Variants in GBE1 observed in about 807,000 individuals in gnomAD.
GBE1 encodes the protein 1,4-alpha-glucan-branching enzyme.
GBE1 carries 70 observed loss-of-function variants against 88.8 expected under a neutral mutation model. That is an observed-to-expected ratio of 0.79 (90% CI 0.65 to 0.96). GBE1 has a LOEUF of 0.96. Ranked by LOEUF, GBE1 falls within the 40% of genes least tolerant of loss-of-function variation. The pLI is 0.00. For synonymous variants in GBE1, 284 were observed against 300.1 expected (o/e 0.95, Z 0.56); for missense variants, 872 against 871.0 (o/e 1.00, Z -0.01).
At chr3:81,675,458 T>C (rs1423575305) in intron 2 of GBE1, among the ~76,000 whole-genome samples, 1 of 151,962 alleles carries the variant, frequency 6.6e-6, no homozygotes, top group African/African-American at 2.4e-5. Context: ...ATAGAAATGA[T>C]AATCAGAACA....
intron 15 of GBE1, among the ~76,000 whole-genome samples, chr3:81,497,148 T>C (rs560318233): frequency 2.6e-5 from 4 of 152,322 alleles, no homozygotes; most frequent in African/African-American, 9.6e-5. Context: ...TGCTGCCACT[T>C]GTTGGTTGGC....
chr3:81,621,131 C>G (rs1013067163), intron 7 of GBE1, among the ~76,000 whole-genome samples: 1 of 152,142 alleles, frequency 6.6e-6, no homozygotes, highest in African/African-American at 2.4e-5. Flanking sequence ...AGAAAAGACA[C>G]CACTGAATGT....
At chr3:81,698,612 T>C (rs1304236351) in intron 2 of GBE1, among the ~76,000 whole-genome samples, 1 of 152,178 alleles carries the variant, frequency 6.6e-6, no homozygotes, top group African/African-American at 2.4e-5. Context: ...TAGTCATAGA[T>C]CATCACTTTA....
intron 1 of GBE1, among the ~76,000 whole-genome samples, chr3:81,713,530 G>T (rs1705900463): frequency 6.6e-6 from 1 of 152,122 alleles, no homozygotes; most frequent in African/African-American, 2.4e-5. Context: ...TTTGAACGAT[G>T]AATTTTATTA....
chr3:81,497,074 C>CA lies in GBE1; in HGVS notation c.2052+2035dup, dbSNP rs545150197. ...ATTCTTTATTCTACCTGATAATTTA[C>CA]AACTGCATTTTCCACACTGGTGAGA... On this transcript the variant is annotated intron_variant, in intron 15 of 15. Coordinates refer to ENST00000429644, the MANE Select transcript of GBE1 (RefSeq NM_000158.4). 5.9e-5 allele frequency among the ~76,000 whole-genome samples: 9 copies of CA among 152,298 alleles called. No homozygotes were observed. The East Asian group carries it at 1.5e-3, about 26-fold the overall frequency.
rs1576117336 is a variant in GBE1 at position 81,490,147 on chromosome 3, A to T, written c.*260T>A. 2.2e-6 allele frequency: 1 copy of T among 457,690 alleles called. No individual in the cohort carries two copies. The highest frequency in any genetic ancestry group is 4.2e-5 in the East Asian group (1 of 23,708). The allele number at this position is 457,690 out of a possible 1,614,324, so 28.4% of individuals were successfully genotyped here. A position where few individuals can be genotyped will look rare whatever the true frequency, so the allele number is the denominator to read the frequency against. On this transcript the variant is annotated 3_prime_UTR_variant, in exon 16 of 16. Transcript: ENST00000429644. ...GCAAAATGTTTTTAACATATTATAT[A>T]TAACACTTCCATTTGAGAATCCTAG...
chr3:81,607,566 A>G (rs918496171), intron 7 of GBE1, among the ~76,000 whole-genome samples: 1 of 152,130 alleles, frequency 6.6e-6, no homozygotes, highest in Admixed American at 6.6e-5. Flanking sequence ...ATAAAAACAA[A>G]AACAAAAAAT....
At chr3:81,520,272 C>T (rs1187861724) in intron 14 of GBE1, among the ~76,000 whole-genome samples, 1 of 151,438 alleles carries the variant, frequency 6.6e-6, no homozygotes, top group African/African-American at 2.4e-5. Flanking sequence ...ATTTTTCTAA[C>T]AGTATATGCT....
At chr3:81,657,049 G>A (rs1045808485) in intron 3 of GBE1, among the ~76,000 whole-genome samples, 3 of 151,164 alleles carry the variant, frequency 2.0e-5, no homozygotes, top group South Asian at 2.1e-4. Context: ...CCAGCTACTC[G>A]GGAGGCTGAA....
At chr3:81,718,710 C>T (rs554892011) in intron 1 of GBE1, among the ~76,000 whole-genome samples, 2 of 152,130 alleles carry the variant, frequency 1.3e-5, no homozygotes, top group Non-Finnish European at 2.9e-5. Context: ...AATCTTGGCT[C>T]ACCGCAACCT....
At chr3:81,573,964 G>A (rs1703610652) in intron 12 of GBE1, among the ~76,000 whole-genome samples, 1 of 152,108 alleles carries the variant, frequency 6.6e-6, no homozygotes, top group African/African-American at 2.4e-5. Flanking sequence ...AAAACAAATT[G>A]AGGCAACCCT....
intron 7 of GBE1, among the ~76,000 whole-genome samples, chr3:81,622,744 T>A (rs2107016125): frequency 6.6e-6 from 1 of 152,252 alleles, no homozygotes; most frequent in East Asian, 1.9e-4. Flanking sequence ...ATGACAGAAG[T>A]CCCATTTTCA....
chr3:81,649,222 T>C (rs2107072984), intron 4 of GBE1, among the ~76,000 whole-genome samples: 1 of 152,242 alleles, frequency 6.6e-6, no homozygotes, highest in South Asian at 2.1e-4. Context: ...GCCTTATCAT[T>C]GAGTAAATTT....
intron 1 of GBE1, among the ~76,000 whole-genome samples, chr3:81,750,857 T>C (rs1235104542): frequency 6.6e-6 from 1 of 150,658 alleles, no homozygotes; most frequent in Non-Finnish European, 1.5e-5. Flanking sequence ...ATTTTTGTAT[T>C]TTTAGTAGAG....
At chr3:81,747,803 G>C (rs1242287427) in intron 1 of GBE1, among the ~76,000 whole-genome samples, 2 of 151,782 alleles carry the variant, frequency 1.3e-5, no homozygotes, top group African/African-American at 4.8e-5. Flanking sequence ...CTGCCCACCA[G>C]AGAACAACCC....
intron 3 of GBE1, among the ~76,000 whole-genome samples, chr3:81,665,139 T>C (rs756957529): frequency 2.6e-5 from 4 of 152,118 alleles, no homozygotes; most frequent in Non-Finnish European, 5.9e-5. Flanking sequence ...TTTCTGTGGG[T>C]TGAAGTAGTG....
intron 7 of GBE1, among the ~76,000 whole-genome samples, chr3:81,595,704 T>C (rs1703946888): frequency 6.6e-6 from 1 of 151,986 alleles, no homozygotes; most frequent in Admixed American, 6.6e-5. Context: ...CAGGTTTCAC[T>C]AAAGTCAAAG....
chr3:81,683,984 CA>C, intron 2 of GBE1, among the ~76,000 whole-genome samples: 1 of 151,630 alleles, frequency 6.6e-6, no homozygotes, highest in Middle Eastern at 3.2e-3. Context: ...ATTACAACAA[CA>C]AAAAAAATAG....
chr3:81,727,886 A>G (rs1378226441), intron 1 of GBE1, among the ~76,000 whole-genome samples: 1 of 152,192 alleles, frequency 6.6e-6, no homozygotes, highest in African/African-American at 2.4e-5. Context: ...TCTTAAATGT[A>G]GCCTTCTTTC....
Sources: allele counts gnomAD v4.1 joint callset (sites outside exome capture counted in the v4.1 genomes callset), GRCh38; gene constraint gnomAD v4.1.1; transcripts MANE v1.5; gene names NCBI Gene and HGNC (gene_info 2026-07-23, HGNC 2026-07-21).